The following SFI1 variants were observed in gnomAD, a reference collection of about 807,000 sequenced individuals.
SFI1 encodes SFI1 centrin binding protein.
A neutral mutation model predicts 207.5 loss-of-function variants in SFI1; 195 were observed. That is an observed-to-expected ratio of 0.94 (90% CI 0.84 to 1.06). The LOEUF is 1.06. SFI1 is among the 50% of genes least tolerant of loss of function. The pLI, the probability that SFI1 is intolerant of heterozygous loss-of-function variation, is 0.00. For missense variants in SFI1, 1,634 were observed against 1,588.0 expected (o/e 1.03, Z -0.49); for synonymous variants, 630 against 598.9 (o/e 1.05, Z -0.76).
At chr22:31,573,748 A>AT (rs1261649651) in intron 9 of SFI1, among the ~76,000 whole-genome samples, 2 of 152,062 alleles carry the variant, frequency 1.3e-5, no homozygotes, top group East Asian at 1.9e-4. Flanking sequence ...TCTTCTGTAT[A>AT]TTTTTTATCT....
Position 31,602,186 on chromosome 22 carries a change from G to A in SFI1, c.1545-26G>A, listed in dbSNP as rs199747403. The A allele has an allele frequency of 5.1e-6, 8 of 1,578,806 alleles. 1 individual carries two copies. Among genetic ancestry groups the A allele is most frequent in the Admixed American group, 1.7e-5 (1 of 59,968 alleles). ...GTTAATTTTTATGTTTGTTTTAAGT[G>A]CTTTACATTCTTCCTTGTTTTTTAG... is the stretch of plus-strand genomic sequence containing the variant. On this transcript the variant is annotated intron_variant, in intron 15 of 32. Transcript: ENST00000400288.
At chr22:31,606,280 C>G (rs756653832) in intron 20 of SFI1, 48 bp from the exon 21 acceptor site, 35 of 1,547,664 alleles carry the variant, frequency 2.3e-5, no homozygotes, top group Admixed American at 3.3e-5. Context: ...CCTCCCTTCT[C>G]TCTCTATCCT....
intron 4 of SFI1, among the ~76,000 whole-genome samples, chr22:31,541,771 G>A (rs1602388530): frequency 1.4e-5 from 2 of 142,616 alleles, no homozygotes; most frequent in East Asian, 2.1e-4. Context: ...AAAGAATTGT[G>A]AATAAATCTG....
At chr22:31,612,396 A>ATACATAT (rs1331671158) in intron 24 of SFI1, 1 of 95,758 alleles carries the variant, frequency 1.0e-5, no homozygotes, top group African/African-American at 4.1e-5. Context: ...AAAAAAAAAA[A>ATACATAT]AAATATATAT....
At chr22:31,538,310 T>A (rs1475748888) in intron 4 of SFI1, 1 of 151,382 alleles carries the variant, frequency 6.6e-6, no homozygotes, top group African/African-American at 2.4e-5. Flanking sequence ...TTTATTTTTC[T>A]CTGGAGAATA....
intron 14 of SFI1, 50 bp downstream of exon 14, chr22:31,585,184 C>G (rs771637409): frequency 6.7e-7 from 1 of 1,497,262 alleles, no homozygotes. Context: ...ATTCTTGGAC[C>G]CATTTGCTTT....
At chr22:31,585,042 T>G (rs887274006) in intron 13 of SFI1, 26 bp from the exon 14 acceptor site, 11 of 1,608,112 alleles carry the variant, frequency 6.8e-6, no homozygotes, top group Non-Finnish European at 8.5e-6. Flanking sequence ...ACTTGAAACC[T>G]GAAGGTGTTC....
intron 4 of SFI1, among the ~76,000 whole-genome samples, chr22:31,543,520 G>A (rs560560670): frequency 6.6e-6 from 1 of 152,186 alleles, no homozygotes; most frequent in African/African-American, 2.4e-5. Context: ...TTTAAAAACC[G>A]TGAGTGGAAT....
intron 1 of SFI1, among the ~76,000 whole-genome samples, chr22:31,505,276 T>C (rs986366209): frequency 2.0e-5 from 3 of 151,262 alleles, no homozygotes; most frequent in Non-Finnish European, 4.4e-5. Flanking sequence ...CCATCTCTAC[T>C]AAAAATACAA....
At chr22:31,573,827 T>A (rs2063202653) in intron 9 of SFI1, among the ~76,000 whole-genome samples, 1 of 152,228 alleles carries the variant, frequency 6.6e-6, no homozygotes, top group Non-Finnish European at 1.5e-5. Flanking sequence ...CCTATGGTTT[T>A]GTATCTTCCT....
chr22:31,533,839 TC>T (rs10595127), intron 4 of SFI1, among the ~76,000 whole-genome samples: 1 of 152,062 alleles, frequency 6.6e-6, no homozygotes, highest in Non-Finnish European at 1.5e-5. Flanking sequence ...CAGAATTCTC[TC>T]TTTTTTGTTT....
At chr22:31,565,437 C>T (rs1448080149) in intron 8 of SFI1, among the ~76,000 whole-genome samples, 1 of 151,444 alleles carries the variant, frequency 6.6e-6, no homozygotes, top group East Asian at 1.9e-4. Context: ...GTGGCCTACA[C>T]CTGAATACTA....
At chr22:31,532,180 G>T (rs2147424722) in intron 4 of SFI1, among the ~76,000 whole-genome samples, 1 of 152,294 alleles carries the variant, frequency 6.6e-6, no homozygotes, top group East Asian at 1.9e-4. Flanking sequence ...GCTCTTTCAG[G>T]GCACTGGTGA....
intron 4 of SFI1, among the ~76,000 whole-genome samples, chr22:31,546,478 G>A (rs985503766): frequency 1.3e-5 from 2 of 151,926 alleles, no homozygotes; most frequent in Non-Finnish European, 1.5e-5. Flanking sequence ...CTACAGGTGC[G>A]TGCCACCATG....
chr22:31,568,885 G>C (rs1051557186), intron 8 of SFI1, among the ~76,000 whole-genome samples: 1 of 152,124 alleles, frequency 6.6e-6, no homozygotes, highest in Non-Finnish European at 1.5e-5. Flanking sequence ...CTTGAGCCCA[G>C]TAGATTGAAA....
Position 31,589,499 on chromosome 22 carries a change from C to T in SFI1, c.1466C>T (p.Ala489Val). ...GHFQQRALPA[A>V]FHTWNRLWRW... is the part of the protein sequence containing the mutation. ...TTCCAGCAGAGAGCCCTGCCTGCTG[C>T]CTTCCACACATGGAACAGACTCTGG... The change falls in exon 15 of 33, where the codon GCC becomes GTC. Residue 489 changes from alanine (A) to valine (V), a missense_variant. Physicochemically the swap from Ala to Val is moderately conservative, Grantham distance 64. Coordinates refer to ENST00000400288, the MANE Select transcript of SFI1 (RefSeq NM_001007467.3). 1 of 1,614,000 alleles carries T rather than the reference C, an allele frequency of 6.2e-7. No homozygotes were observed. Among genetic ancestry groups the T allele is most frequent in the Non-Finnish European group, 8.5e-7 (1 of 1,179,974 alleles).
intron 6 of SFI1, among the ~76,000 whole-genome samples, chr22:31,556,000 G>A (rs1000743336): frequency 1.3e-4 from 20 of 152,180 alleles, no homozygotes; most frequent in Middle Eastern, 3.4e-3. Flanking sequence ...TTGCTTATAA[G>A]TGGTAATTTA....
intron 15 of SFI1, 98 bp downstream of exon 15, chr22:31,589,675 C>T (rs906815711): frequency 1.5e-6 from 2 of 1,356,122 alleles, no homozygotes; most frequent in South Asian, 1.5e-5. Context: ...CTTCCCAGAC[C>T]CCAGGCCCTA....
In SFI1 at chr22:31,532,812, A is replaced by G. The variant is rs181002796; in HGVS notation, c.338+1683A>G. On this transcript the variant is annotated intron_variant, in intron 4 of 32. Coordinates refer to ENST00000400288, the MANE Select transcript of SFI1 (RefSeq NM_001007467.3). ...AGGTTTTGCAAAAGAGAAAAAACTT[A>G]CTTGCAAGGCCACTGAGCGAGGAGG... Among the ~76,000 whole-genome samples the G allele has an allele frequency of 4.9e-3, 747 of 151,766 alleles. 6 individuals are homozygous for G. The highest frequency in any genetic ancestry group is 6.9e-3 in the Non-Finnish European group (470 of 68,028).
Sources: gnomAD v4.1 joint callset for allele counts (sites outside exome capture counted in the v4.1 genomes callset) on GRCh38, gnomAD v4.1.1 for gene constraint, MANE v1.5 for transcripts, NCBI Gene and HGNC (gene_info 2026-07-23, HGNC 2026-07-21) for gene names.